STX8: variants seen among roughly 807,000 people sequenced by gnomAD.
The protein encoded by STX8 is syntaxin-8.
In STX8, 23 loss-of-function variants were observed where a neutral mutation model predicts 37.5. The ratio of observed to expected loss-of-function variants is 0.61; its 90% CI spans 0.44 to 0.87. The LOEUF is 0.87. Ranked by LOEUF, STX8 falls within the 40% of genes least tolerant of loss-of-function variation. The probability of loss-of-function intolerance (pLI) is 0.00; values close to 1 mark genes in which losing one functional copy is unlikely to be tolerated. For synonymous variants in STX8, 115 were observed against 99.1 expected, an observed-to-expected ratio of 1.16 and a Z score of -0.95; for missense variants, 313 against 284.7, an observed-to-expected ratio of 1.10 and a Z score of -0.71.
intron 7 of STX8, among the ~76,000 whole-genome samples, chr17:9,298,291 C>T (rs535287980): frequency 7.2e-5 from 11 of 152,252 alleles, no homozygotes; most frequent in East Asian, 3.9e-4. Flanking sequence ...CGTGAGTTGG[C>T]GGAGGTGGAA....
chr17:9,298,216 CAGA>C (rs763088825), intron 7 of STX8, among the ~76,000 whole-genome samples: 1 of 152,120 alleles, frequency 6.6e-6, no homozygotes, highest in South Asian at 2.1e-4. Flanking sequence ...TCCTCTTGAG[CAGA>C]AGAAGATGGA....
chr17:9,430,596 CAACTT>C (rs1913921147), intron 6 of STX8, among the ~76,000 whole-genome samples: 1 of 151,086 alleles, frequency 6.6e-6, no homozygotes, highest in Non-Finnish European at 1.5e-5. Flanking sequence ...GTACATACTA[CAACTT>C]GTTTACACAT....
At chr17:9,430,164 T>A (rs1304806758) in intron 6 of STX8, among the ~76,000 whole-genome samples, 3 of 78,222 alleles carry the variant, frequency 3.8e-5, no homozygotes, top group South Asian at 7.5e-4. Context: ...AAATATAAAA[T>A]ATATATAATT....
intron 6 of STX8, among the ~76,000 whole-genome samples, chr17:9,486,767 G>A (rs138664619): frequency 0.017 from 2,514 of 152,278 alleles, 62 homozygotes; most frequent in African/African-American, 0.057. Flanking sequence ...GCTGAGGTGG[G>A]AGGATCACTT....
chr17:9,574,542 A>ATT lies in STX8; in HGVS notation c.17+1248_17+1249dup, dbSNP rs35021245. 3.3e-3 allele frequency among the ~76,000 whole-genome samples: 496 copies of ATT among 149,970 alleles called. 3 individuals carry two copies. The highest frequency in any genetic ancestry group is 0.011 in the African/African-American group (455 of 40,864). ...AAAATTAGGGATTTTGGGGTTTTTT[A>ATT]TTTTTTTTTGAGACGGAGTTTCGCT... On this transcript the variant is annotated intron_variant, in intron 1 of 7. Coordinates refer to ENST00000306357, the MANE Select transcript of STX8 (RefSeq NM_004853.3).
At chr17:9,306,595 C>CAAAA (rs71135963) in intron 7 of STX8, among the ~76,000 whole-genome samples, 4 of 69,888 alleles carry the variant, frequency 5.7e-5, no homozygotes, top group Non-Finnish European at 6.0e-5. Flanking sequence ...ACTAAAAATA[C>CAAAA]AAAAAAAAAA....
At chr17:9,522,727 A>G (rs1266796295) in intron 4 of STX8, among the ~76,000 whole-genome samples, 8 of 151,214 alleles carry the variant, frequency 5.3e-5, no homozygotes, top group Admixed American at 3.3e-4. Flanking sequence ...AAAAAAGTTG[A>G]TATCATACAA....
chr17:9,425,281 CACAAAAATCTCAATACTTCAGATTT>C (rs918576147), intron 6 of STX8, among the ~76,000 whole-genome samples: 1 of 152,106 alleles, frequency 6.6e-6, no homozygotes, highest in Non-Finnish European at 1.5e-5. Context: ...TCAGTAACGT[CACAAAAATCTCAATACTTCAGATTT>C]ACAAAAATCT....
intron 7 of STX8, among the ~76,000 whole-genome samples, chr17:9,351,614 T>C (rs984465431): frequency 6.6e-6 from 1 of 152,178 alleles, no homozygotes; most frequent in Non-Finnish European, 1.5e-5. Flanking sequence ...ATAATGTCCT[T>C]CTAGCTGGGT....
intron 7 of STX8, among the ~76,000 whole-genome samples, chr17:9,294,620 T>C (rs1406960268): frequency 6.6e-6 from 1 of 152,140 alleles, no homozygotes; most frequent in Non-Finnish European, 1.5e-5. Context: ...TAAGAAGGTG[T>C]GTGCAGAGGA....
At chr17:9,355,895 G>A (rs1910866895) in intron 7 of STX8, among the ~76,000 whole-genome samples, 2 of 151,910 alleles carry the variant, frequency 1.3e-5, no homozygotes, top group South Asian at 2.1e-4. Context: ...CTAGCAATCC[G>A]CTCACTTCAG....
At chr17:9,494,615 CAAAAAAAAAAAAA>C (rs35806606) in intron 5 of STX8, among the ~76,000 whole-genome samples, 2 of 64,292 alleles carry the variant, frequency 3.1e-5, no homozygotes, top group Non-Finnish European at 5.4e-5. Flanking sequence ...GAACCTGTCT[CAAAAAAAAAAAAA>C]AAAAAAAAAA....
At chr17:9,379,875 GGA>G (rs1381891253) in intron 6 of STX8, among the ~76,000 whole-genome samples, 1 of 151,992 alleles carries the variant, frequency 6.6e-6, no homozygotes, top group African/African-American at 2.4e-5. Context: ...GGCTGAGGCA[GGA>G]GAATCGCTTG....
At chr17:9,299,423 C>T (rs1037855578) in intron 7 of STX8, among the ~76,000 whole-genome samples, 2 of 148,524 alleles carry the variant, frequency 1.3e-5, no homozygotes. Context: ...TGCCTGCGTC[C>T]GTCTTCATTC....
intron 7 of STX8, among the ~76,000 whole-genome samples, chr17:9,270,987 C>T (rs571929375): frequency 9.3e-4 from 142 of 152,280 alleles, no homozygotes; most frequent in Non-Finnish European, 1.6e-3. Context: ...TGAATCAAAT[C>T]GCCTCAGTTC....
intron 7 of STX8, among the ~76,000 whole-genome samples, chr17:9,332,657 T>C (rs755095390): frequency 1.3e-5 from 2 of 152,224 alleles, no homozygotes; most frequent in African/African-American, 4.8e-5. Flanking sequence ...GTTAATAAAA[T>C]CAGTAATGCA....
chr17:9,572,169 T>A (rs931156779), intron 1 of STX8, among the ~76,000 whole-genome samples: 1 of 152,180 alleles, frequency 6.6e-6, no homozygotes, highest in Non-Finnish European at 1.5e-5. Context: ...TGGTACATCA[T>A]CAACAAATTA....
chr17:9,387,940 A>G (rs1159878463), intron 6 of STX8, among the ~76,000 whole-genome samples: 1 of 152,200 alleles, frequency 6.6e-6, no homozygotes, highest in Non-Finnish European at 1.5e-5. Flanking sequence ...AATCTGTAGC[A>G]GATTAGATCA....
chr17:9,556,802 C>CATATAT (rs1183053093), intron 3 of STX8: 23 of 94,992 alleles, frequency 2.4e-4, no homozygotes, highest in African/African-American at 8.4e-4. Context: ...TATACACATA[C>CATATAT]ATATATATAT....
Sources: gnomAD v4.1 joint callset for allele counts (sites outside exome capture counted in the v4.1 genomes callset) on GRCh38, gnomAD v4.1.1 for gene constraint, MANE v1.5 for transcripts, NCBI Gene and HGNC (gene_info 2026-07-23, HGNC 2026-07-21) for gene names.